LARGE1: variants seen among roughly 807,000 people sequenced by gnomAD.
LARGE1 encodes the protein LARGE xylosyl- and glucuronyltransferase 1.
A neutral mutation model predicts 87.6 loss-of-function variants in LARGE1; 43 were observed. The ratio of observed to expected loss-of-function variants is 0.49; its 90% CI spans 0.38 to 0.63. The LOEUF (loss-of-function observed/expected upper bound fraction) is 0.63, where lower values mean the gene tolerates loss of function less well. LARGE1 is among the 30% of genes least tolerant of loss of function. The pLI, the probability that LARGE1 is intolerant of heterozygous loss-of-function variation, is 0.00. For synonymous variants in LARGE1, 434 were observed against 394.6 expected (o/e 1.10, Z -1.18); for missense variants, 802 against 1,000.2 (o/e 0.80, Z 2.67).
chr22:33,228,239 A>T (rs1047406934), intron 11 of LARGE1, among the ~76,000 whole-genome samples: 3 of 152,264 alleles, frequency 2.0e-5, no homozygotes, highest in African/African-American at 7.2e-5. Context: ...GTTCTTTGTT[A>T]TTATTTGCCA....
chr22:33,234,421 C>T (rs975415247), intron 11 of LARGE1, among the ~76,000 whole-genome samples: 2 of 152,190 alleles, frequency 1.3e-5, no homozygotes, highest in South Asian at 2.1e-4. Context: ...ATGACTGCCC[C>T]ACATACCTAG....
intron 7 of LARGE1, among the ~76,000 whole-genome samples, chr22:33,405,947 C>T (rs1209833570): frequency 1.3e-5 from 2 of 152,116 alleles, no homozygotes; most frequent in Non-Finnish European, 2.9e-5. Context: ...CTGGAATCTT[C>T]GGAAAGATTA....
intron 6 of LARGE1, among the ~76,000 whole-genome samples, chr22:33,448,494 C>T (rs2067780157): frequency 6.6e-6 from 1 of 152,146 alleles, no homozygotes; most frequent in South Asian, 2.1e-4. Context: ...TTAATCTTCA[C>T]CACAAATGCT....
chr22:33,202,405 C>T (rs573847291), intron 11 of LARGE1, among the ~76,000 whole-genome samples: 5 of 152,288 alleles, frequency 3.3e-5, no homozygotes, highest in African/African-American at 1.2e-4. Flanking sequence ...ACTGTCCTTC[C>T]TCTCTCAGGC....
intron 4 of LARGE1, among the ~76,000 whole-genome samples, chr22:33,614,022 G>C (rs2079514053): frequency 6.6e-6 from 1 of 151,924 alleles, no homozygotes; most frequent in Non-Finnish European, 1.5e-5. Flanking sequence ...TCAACCTCAA[G>C]TCCTGAAAGG....
At chr22:33,389,314 C>T (rs1047528097) in intron 7 of LARGE1, among the ~76,000 whole-genome samples, 2 of 152,216 alleles carry the variant, frequency 1.3e-5, no homozygotes, top group African/African-American at 4.8e-5. Context: ...CCGTTTCCTA[C>T]AGAGAAAATG....
chr22:33,232,468 C>T (rs986749409), intron 11 of LARGE1, among the ~76,000 whole-genome samples: 5 of 152,106 alleles, frequency 3.3e-5, no homozygotes, highest in Admixed American at 6.5e-5. Context: ...CATGCTCATC[C>T]GCCAGGAGAA....
chr22:33,192,555 T>C (rs2146194116), intron 11 of LARGE1, among the ~76,000 whole-genome samples: 1 of 152,352 alleles, frequency 6.6e-6, no homozygotes, highest in Admixed American at 6.5e-5. Flanking sequence ...ATTTCTTACA[T>C]AGTTTGGATA....
the LARGE1 span, among the ~76,000 whole-genome samples, chr22:33,111,406 T>C: frequency 2.0e-5 from 3 of 152,218 alleles, no homozygotes; most frequent in South Asian, 6.2e-4. Flanking sequence ...TAAAACAGCT[T>C]CTATGATTAT....
intron 3 of LARGE1, among the ~76,000 whole-genome samples, chr22:33,635,282 A>G (rs2080237286): frequency 6.6e-6 from 1 of 152,090 alleles, no homozygotes; most frequent in Non-Finnish European, 1.5e-5. Flanking sequence ...GGAGACTGCT[A>G]AGTGAAAACA....
At chr22:33,447,294 T>C (rs113629547) in intron 6 of LARGE1, among the ~76,000 whole-genome samples, 4,498 of 152,318 alleles carry the variant, frequency 0.03, 82 homozygotes, top group South Asian at 0.06. Flanking sequence ...TCATTCTTTC[T>C]TTTAGAGATA....
chr22:33,628,962 C>A (rs1289958316), intron 3 of LARGE1, among the ~76,000 whole-genome samples: 2 of 152,124 alleles, frequency 1.3e-5, no homozygotes, highest in Admixed American at 6.5e-5. Flanking sequence ...TGTCCTGCCC[C>A]AAAGGTCAAG....
intron 12 of LARGE1, among the ~76,000 whole-genome samples, chr22:33,285,280 G>A (rs1381742474): frequency 1.3e-5 from 2 of 152,086 alleles, no homozygotes; most frequent in Non-Finnish European, 1.5e-5. Flanking sequence ...GGTAGGCATT[G>A]TAAGGCATTT....
chr22:33,588,875 G>C (rs539386447), intron 5 of LARGE1, among the ~76,000 whole-genome samples: 2 of 152,194 alleles, frequency 1.3e-5, no homozygotes, highest in Non-Finnish European at 2.9e-5. Context: ...CTACTAAAGT[G>C]GGGGTGGGAG....
intron 11 of LARGE1, among the ~76,000 whole-genome samples, chr22:33,235,976 AGAG>A (rs1926230985): frequency 6.6e-6 from 1 of 152,190 alleles, no homozygotes; most frequent in Admixed American, 6.5e-5. Flanking sequence ...TATTCTTATA[AGAG>A]GAGATATTCA....
intron 2 of LARGE1, among the ~76,000 whole-genome samples, chr22:33,716,899 GCA>G (rs2082926080): frequency 6.6e-6 from 1 of 152,192 alleles, no homozygotes; most frequent in Non-Finnish European, 1.5e-5. Context: ...CCCATTCAGA[GCA>G]CAGACATTAT....
chr22:33,808,163 T>G (rs1241273853), intron 1 of LARGE1, among the ~76,000 whole-genome samples: 2 of 152,246 alleles, frequency 1.3e-5, no homozygotes, highest in Non-Finnish European at 2.9e-5. Context: ...TCATCAGCAT[T>G]TGGTGGTGCC....
chr22:33,122,984 G>C, the LARGE1 span, among the ~76,000 whole-genome samples: 36 of 152,150 alleles, frequency 2.4e-4, no homozygotes, highest in Non-Finnish European at 4.6e-4. Flanking sequence ...TGTTGGATAA[G>C]GGGGAGAAGT....
intron 11 of LARGE1, among the ~76,000 whole-genome samples, chr22:33,259,196 A>G (rs1211692554): frequency 6.6e-5 from 10 of 152,116 alleles, no homozygotes; most frequent in Admixed American, 6.5e-4. Flanking sequence ...CTTTATTCTA[A>G]GAAATGCTGA....
Sources: allele counts gnomAD v4.1 joint callset (sites outside exome capture counted in the v4.1 genomes callset), GRCh38; gene constraint gnomAD v4.1.1; transcripts MANE v1.5; gene names NCBI Gene and HGNC (gene_info 2026-07-23, HGNC 2026-07-21).